EYA3: variants seen among roughly 807,000 people sequenced by gnomAD.
EYA3 encodes protein phosphatase EYA3.
EYA3 carries 39 observed loss-of-function variants against 80.0 expected under a neutral mutation model. The observed-to-expected ratio is 0.49, with a 90% CI of 0.38 to 0.64. The LOEUF is 0.64. Among genes scored for constraint, EYA3 ranks in the 30% least tolerant of loss-of-function variants. The probability of loss-of-function intolerance (pLI) is 0.00; values close to 1 mark genes in which losing one functional copy is unlikely to be tolerated. For synonymous variants in EYA3, 206 were observed against 232.8 expected (o/e 0.88, Z 1.05); for missense variants, 523 against 676.1 (o/e 0.77, Z 2.51).
intron 1 of EYA3, among the ~76,000 whole-genome samples, chr1:28,059,884 A>G (rs1322487923): frequency 6.6e-6 from 1 of 151,840 alleles, no homozygotes; most frequent in Non-Finnish European, 1.5e-5. Flanking sequence ...ATGCCTGGCT[A>G]ATTTTTGTAT....
At chr1:28,053,153 CAAAAAAAAAAAAA>C (rs34075939) in intron 2 of EYA3, among the ~76,000 whole-genome samples, 4 of 72,528 alleles carry the variant, frequency 5.5e-5, no homozygotes, top group African/African-American at 1.1e-4. Context: ...GACCCCGTCT[CAAAAAAAAAAAAA>C]AAAAAAAAAA....
At chr1:28,088,336 G>T (rs1432903335) in intron 1 of EYA3, among the ~76,000 whole-genome samples, 188 bp downstream of exon 1, 1 of 152,182 alleles carries the variant, frequency 6.6e-6, no homozygotes, top group Non-Finnish European at 1.5e-5. Context: ...AGCGCGAGAA[G>T]GCTAAGCTGA....
At chr1:28,053,107 T>C (rs929472414) in intron 2 of EYA3, among the ~76,000 whole-genome samples, 3 of 133,966 alleles carry the variant, frequency 2.2e-5, no homozygotes, top group African/African-American at 5.7e-5. Context: ...TGAGCCACGA[T>C]TGTGCCACTG....
At chr1:28,051,070 T>A (rs1644229041) in intron 2 of EYA3, among the ~76,000 whole-genome samples, 1 of 152,128 alleles carries the variant, frequency 6.6e-6, no homozygotes, top group African/African-American at 2.4e-5. Flanking sequence ...TACAAGCAGC[T>A]GGTATCCAAG....
intron 1 of EYA3, among the ~76,000 whole-genome samples, chr1:28,058,681 T>C (rs1306235908): frequency 6.6e-6 from 1 of 152,076 alleles, no homozygotes; most frequent in Non-Finnish European, 1.5e-5. Context: ...CTAAAGAAAA[T>C]AATCATCCAA....
At position 27,973,947 on chromosome 1, in the gene EYA3, G is replaced by A. The variant is rs1027622476; in HGVS notation, c.*519C>T. ...AGCTAAGGAGACTCTAAGACTGCAA[G>A]AGATGTTATCATAAAAGTCTGCTGC... On this transcript the variant is annotated 3_prime_UTR_variant, in exon 18 of 18. Coordinates refer to ENST00000373871, the MANE Select transcript of EYA3 (RefSeq NM_001990.4). 6.6e-6 allele frequency: 1 copy of A among 152,322 alleles called. No individual in the cohort carries two copies. The highest frequency in any genetic ancestry group is 2.4e-5 in the African/African-American group (1 of 41,450). 9.4% of individuals were successfully genotyped at this position (152,322 alleles called of 1,614,324 possible).
chr1:28,055,819 G>C (rs1644418883), intron 2 of EYA3, among the ~76,000 whole-genome samples: 1 of 152,110 alleles, frequency 6.6e-6, no homozygotes, highest in African/African-American at 2.4e-5. Context: ...GGAGAAATAA[G>C]AGAAGGGATA....
chr1:28,048,357 T>C lies in EYA3; in HGVS notation c.77+26A>G, dbSNP rs764570380. On this transcript the variant is annotated intron_variant, in intron 3 of 17. Transcript: ENST00000373871. Reference sequence around the variant, plus strand: ...AAAAACAAAACTTATGAGTAGTTCATTAAAAAGAAAGCAAACTTTACATAC... The same window carrying C: ...AAAAACAAAACTTATGAGTAGTTCACTAAAAAGAAAGCAAACTTTACATAC... 77 of 1,566,786 alleles carry C rather than the reference T, an allele frequency of 4.9e-5. No individual in the cohort carries two copies. In the East Asian group the frequency reaches 1.7e-3, roughly 34 times the overall value.
At chr1:28,071,097 A>AT (rs1188140381) in intron 1 of EYA3, among the ~76,000 whole-genome samples, 1 of 151,790 alleles carries the variant, frequency 6.6e-6, no homozygotes, top group Non-Finnish European at 1.5e-5. Context: ...TAATTTTTGT[A>AT]TTTTTTAGTA....
At chr1:28,006,204 A>C (rs1641258468) in intron 10 of EYA3, among the ~76,000 whole-genome samples, 1 of 152,128 alleles carries the variant, frequency 6.6e-6, no homozygotes, top group Admixed American at 6.6e-5. Context: ...ATTAATTAGG[A>C]GTGCAAAAGG....
At chr1:28,048,661 A>C (rs1476806770) in intron 2 of EYA3, among the ~76,000 whole-genome samples, 4 of 152,196 alleles carry the variant, frequency 2.6e-5, no homozygotes, top group Non-Finnish European at 5.9e-5. Context: ...GTTTACCAGA[A>C]TTTTTACTCA....
rs966550817 is a variant in EYA3, at chr1:28,018,217, G to GA, written c.500-979dup. Among the ~76,000 whole-genome samples, 32 of 150,840 alleles carry GA rather than the reference G, an allele frequency of 2.1e-4. 1 individual carries two copies. Among genetic ancestry groups the GA allele is most frequent in the African/African-American group, 6.1e-4 (25 of 41,104 alleles). ...TCTCAAAAAAAAAGAAAAGAAAAAA[G>GA]AAAAAAAAGAAAGAAAATGCTGATT... On this transcript the variant is annotated intron_variant, in intron 7 of 17. Transcript: ENST00000373871.
intron 3 of EYA3, among the ~76,000 whole-genome samples, chr1:28,048,002 T>C (rs917050770): frequency 5.3e-5 from 8 of 152,172 alleles, no homozygotes; most frequent in African/African-American, 1.7e-4. Flanking sequence ...AACCATTTGG[T>C]AATTAATACC....
intron 2 of EYA3, among the ~76,000 whole-genome samples, chr1:28,054,136 T>C (rs1644362755): frequency 6.6e-6 from 1 of 152,180 alleles, no homozygotes. Flanking sequence ...GATCATAACC[T>C]AGATGAAATT....
rs1451078316 is a variant in EYA3 at position 28,064,248 on chromosome 1, G to A, written c.-68-6154C>T. ...TTGCTTTCAATTTCAAATAATGTGT[G>A]CATACACGTATATAAAAAACAACCC... On this transcript the variant is annotated intron_variant, in intron 1 of 17. Coordinates refer to ENST00000373871, the MANE Select transcript of EYA3 (RefSeq NM_001990.4). Among the ~76,000 whole-genome samples the A allele has an allele frequency of 7.2e-5, 11 of 152,088 alleles. No homozygotes were observed. The East Asian group carries it at 1.9e-3, about 27-fold the overall frequency.
In EYA3 at chr1:28,084,757, C is replaced by T. The variant is rs534229888; in HGVS notation, c.-69+3767G>A. Among the ~76,000 whole-genome samples, 17 of 150,712 alleles carry T rather than the reference C, an allele frequency of 1.1e-4. 1 individual carries two copies. In the East Asian group the frequency reaches 2.9e-3, roughly 26 times the overall value. ...CCGAGTAGCTGGGACTACAGGCATA[C>T]GCCGCCACGCCCAGCTAATTTTTTG... On this transcript the variant is annotated intron_variant, in intron 1 of 17. Coordinates refer to ENST00000373871, the MANE Select transcript of EYA3 (RefSeq NM_001990.4).
At chr1:28,052,133 C>T (rs889263194) in intron 2 of EYA3, among the ~76,000 whole-genome samples, 2 of 152,100 alleles carry the variant, frequency 1.3e-5, no homozygotes, top group African/African-American at 4.8e-5. Context: ...CTTGGCCTCC[C>T]GAGTAGCTGG....
chr1:28,038,457 AAAAAAAAC>A (rs1376057998), intron 5 of EYA3, among the ~76,000 whole-genome samples: 1 of 151,070 alleles, frequency 6.6e-6, no homozygotes, highest in East Asian at 1.9e-4. Context: ...AAAAAAAAAA[AAAAAAAAC>A]CGAACACAGA....
chr1:27,994,214 G>T (rs2148737423), intron 13 of EYA3, among the ~76,000 whole-genome samples: 1 of 152,288 alleles, frequency 6.6e-6, no homozygotes, highest in Middle Eastern at 3.4e-3. Context: ...CACTTGCTCT[G>T]GAAGAAGCCA....
Sources: allele counts gnomAD v4.1 joint callset (sites outside exome capture counted in the v4.1 genomes callset), GRCh38; gene constraint gnomAD v4.1.1; transcripts MANE v1.5; gene names NCBI Gene and HGNC (gene_info 2026-07-23, HGNC 2026-07-21).